The following PXDNL variants were observed in gnomAD, a reference collection of about 807,000 sequenced individuals.
PXDNL encodes probable oxidoreductase PXDNL.
PXDNL carries 145 observed loss-of-function variants against 150.8 expected under a neutral mutation model. The observed-to-expected ratio is 0.96, with a 90% CI of 0.84 to 1.10. PXDNL has a LOEUF of 1.10. Among genes scored for constraint, PXDNL ranks in the 50% least tolerant of loss-of-function variants. The pLI, the probability that PXDNL is intolerant of heterozygous loss-of-function variation, is 0.00. For missense variants in PXDNL, 2,087 were observed against 1,873.9 expected (o/e 1.11, Z -2.10); for synonymous variants, 757 against 725.7 (o/e 1.04, Z -0.69).
At chr8:51,575,815 A>C (rs1723797790) in intron 3 of PXDNL, among the ~76,000 whole-genome samples, 1 of 152,094 alleles carries the variant, frequency 6.6e-6, no homozygotes, top group African/African-American at 2.4e-5. Context: ...TGAAAGTAAA[A>C]GTATGAAAAA....
chr8:51,433,304 T>TA (rs544175718), intron 12 of PXDNL, among the ~76,000 whole-genome samples: 292 of 151,370 alleles, frequency 1.9e-3, no homozygotes, highest in African/African-American at 5.3e-3. Context: ...GTTTTATTTC[T>TA]AAAAAAAGGG....
At chr8:51,703,313 G>A (rs1436172823) in intron 1 of PXDNL, among the ~76,000 whole-genome samples, 4 of 151,334 alleles carry the variant, frequency 2.6e-5, no homozygotes, top group Non-Finnish European at 5.9e-5. Flanking sequence ...AAAGATAGTG[G>A]CATTTCTTAT....
intron 2 of PXDNL, among the ~76,000 whole-genome samples, chr8:51,622,918 G>C (rs1468339640): frequency 6.6e-6 from 1 of 152,188 alleles, no homozygotes; most frequent in Admixed American, 6.5e-5. Flanking sequence ...ACAAACGGGG[G>C]TGCTAAGCAG....
At chr8:51,734,035 C>A (rs1816987024) in intron 1 of PXDNL, among the ~76,000 whole-genome samples, 1 of 151,804 alleles carries the variant, frequency 6.6e-6, no homozygotes, top group African/African-American at 2.4e-5. Flanking sequence ...TAGAGTGTAT[C>A]TTTCAAGCTG....
chr8:51,588,014 T>G lies in PXDNL; in HGVS notation c.308+4613A>C, dbSNP rs138199133. On this transcript the variant is annotated intron_variant, in intron 3 of 22. Coordinates refer to ENST00000356297, the MANE Select transcript of PXDNL (RefSeq NM_144651.5). ...TAAATGAAATACACAGGGTACCATG[T>G]TAGGGAGAAAAAGAGAAGTACTGGT... Among the ~76,000 whole-genome samples the G allele has an allele frequency of 7.0e-3, 1,069 of 152,200 alleles. 8 individuals carry two copies. The highest frequency in any genetic ancestry group is 9.8e-3 in the Non-Finnish European group (664 of 67,998).
intron 1 of PXDNL, among the ~76,000 whole-genome samples, chr8:51,715,901 AG>A (rs1816607942): frequency 6.6e-6 from 1 of 151,622 alleles, no homozygotes. Flanking sequence ...AAAGTTCAAC[AG>A]AAGTTTAAAA....
At chr8:51,624,504 G>A (rs563569653) in intron 2 of PXDNL, among the ~76,000 whole-genome samples, 1 of 151,936 alleles carries the variant, frequency 6.6e-6, no homozygotes, top group East Asian at 1.9e-4. Flanking sequence ...ATTTACATTT[G>A]TTCTCATAGT....
At chr8:51,757,851 A>G (rs2037118784) in intron 1 of PXDNL, among the ~76,000 whole-genome samples, 1 of 151,954 alleles carries the variant, frequency 6.6e-6, no homozygotes, top group Admixed American at 6.6e-5. Context: ...TCTGAGCTCT[A>G]TTTTTGTCTT....
chr8:51,446,188 T>C (rs982223752), intron 12 of PXDNL, among the ~76,000 whole-genome samples: 16 of 152,222 alleles, frequency 1.1e-4, no homozygotes, highest in African/African-American at 3.9e-4. Flanking sequence ...CACACCTACG[T>C]TGATGCATGC....
intron 1 of PXDNL, among the ~76,000 whole-genome samples, chr8:51,707,199 A>G (rs1816399684): frequency 1.3e-5 from 2 of 152,190 alleles, no homozygotes; most frequent in Non-Finnish European, 2.9e-5. Context: ...GTCCAGTGGA[A>G]TAAATAATCC....
intron 15 of PXDNL, 133 bp downstream of exon 15, chr8:51,413,017 T>C: frequency 1.7e-6 from 1 of 602,034 alleles, no homozygotes; most frequent in Non-Finnish European, 2.9e-6. Flanking sequence ...CTAGCCCAGA[T>C]GGGGATGCAT....
intron 4 of PXDNL, among the ~76,000 whole-genome samples, chr8:51,548,663 G>C (rs1812416272): frequency 6.6e-6 from 1 of 151,906 alleles, no homozygotes; most frequent in Non-Finnish European, 1.5e-5. Context: ...TATCAACCCA[G>C]CACTACAAAA....
intron 19 of PXDNL, among the ~76,000 whole-genome samples, chr8:51,349,567 C>T (rs775959715): frequency 2.0e-5 from 3 of 152,194 alleles, no homozygotes; most frequent in African/African-American, 7.2e-5. Context: ...TCCTACCTAC[C>T]GGTTAATCCT....
rs1484109035 is a variant in PXDNL at position 51,666,995 on chromosome 8, AC to A, written c.165-12236del. Among the ~76,000 whole-genome samples, 12 of 151,956 alleles carry A rather than the reference AC, an allele frequency of 7.9e-5. No homozygotes were observed. The South Asian group carries it at 2.5e-3, about 32-fold the overall frequency. Reference sequence around the variant, plus strand: ...TCCCTCCCTTAGGCTTGCCTCTGACACCCTGTGCATGAGCCCAGCCCAGTGC... The same window carrying A: ...TCCCTCCCTTAGGCTTGCCTCTGACACCTGTGCATGAGCCCAGCCCAGTGC... On this transcript the variant is annotated intron_variant, in intron 1 of 22. Transcript: ENST00000356297.
intron 19 of PXDNL, among the ~76,000 whole-genome samples, chr8:51,352,587 C>T (rs748481007): frequency 1.3e-5 from 2 of 152,132 alleles, no homozygotes; most frequent in Non-Finnish European, 2.9e-5. Flanking sequence ...CTTCCTCCCG[C>T]CACCTTCTGA....
intron 3 of PXDNL, among the ~76,000 whole-genome samples, chr8:51,561,317 C>G (rs185010714): frequency 9.2e-5 from 14 of 152,070 alleles, no homozygotes; most frequent in Admixed American, 5.9e-4. Context: ...TCCACACCAG[C>G]ACTACTCACA....
At chr8:51,648,928 A>G (rs547610209) in intron 2 of PXDNL, among the ~76,000 whole-genome samples, 220 of 152,344 alleles carry the variant, frequency 1.4e-3, no homozygotes, top group Non-Finnish European at 2.3e-3. Flanking sequence ...ACAACATAAT[A>G]AAAAATTACA....
chr8:51,328,652 C>G (rs1404769891), intron 21 of PXDNL, among the ~76,000 whole-genome samples: 2 of 152,090 alleles, frequency 1.3e-5, no homozygotes, highest in Non-Finnish European at 2.9e-5. Context: ...AAAGAGAAAA[C>G]TGAGAATGAA....
At chr8:51,417,008 G>T (rs1403291273) in intron 14 of PXDNL, among the ~76,000 whole-genome samples, 1 of 152,032 alleles carries the variant, frequency 6.6e-6, no homozygotes, top group African/African-American at 2.4e-5. Flanking sequence ...TGTTTGATTT[G>T]GTACAAACTG....
Sources: allele counts gnomAD v4.1 joint callset (sites outside exome capture counted in the v4.1 genomes callset), GRCh38; gene constraint gnomAD v4.1.1; transcripts MANE v1.5; gene names NCBI Gene and HGNC (gene_info 2026-07-23, HGNC 2026-07-21).